Variants in MGAT4C observed in about 807,000 individuals in gnomAD.
MGAT4C encodes the protein MGAT4 family member C.
A neutral mutation model predicts 40.1 loss-of-function variants in MGAT4C; 19 were observed. That is an observed-to-expected ratio of 0.47 (90% CI 0.33 to 0.70). The LOEUF is 0.70. MGAT4C is among the 30% of genes least tolerant of loss of function. MGAT4C has a pLI of 0.02. For synonymous variants in MGAT4C, 181 were observed against 187.1 expected (o/e 0.97, Z 0.27); for missense variants, 491 against 563.2 (o/e 0.87, Z 1.30).
At position 86,677,649 on chromosome 12, in the gene MGAT4C, C is replaced by A. The variant is rs542494512; in HGVS notation, c.-229+49560G>T. ...CAAAGGGAATAGAAAAATAAATATT[C>A]TTTAATTAATTATTCTTAAATAATC... is the stretch of plus-strand genomic sequence containing the variant. On this transcript the variant is annotated intron_variant, in intron 2 of 7. Coordinates refer to the MGAT4C transcript ENST00000548651. Among the ~76,000 whole-genome samples, 4 of 152,126 alleles carry A rather than the reference C, an allele frequency of 2.6e-5. 1 individual carries two copies. Among genetic ancestry groups the A allele is most frequent in the African/African-American group, 4.8e-5 (2 of 41,534 alleles).
intron 4 of MGAT4C, among the ~76,000 whole-genome samples, chr12:86,268,273 G>A (rs1180989380): frequency 6.6e-6 from 1 of 151,988 alleles, no homozygotes; most frequent in Non-Finnish European, 1.5e-5. Flanking sequence ...TTTAGCTAAA[G>A]ACATCCTTAA....
intron 2 of MGAT4C, among the ~76,000 whole-genome samples, chr12:86,551,326 C>T (rs979343313): frequency 2.0e-5 from 3 of 152,172 alleles, no homozygotes; most frequent in African/African-American, 7.2e-5. Flanking sequence ...CCAAGGCAGC[C>T]AAGCAGCCTT....
At chr12:86,599,881 TG>T (rs1961699329) in intron 2 of MGAT4C, among the ~76,000 whole-genome samples, 2 of 152,206 alleles carry the variant, frequency 1.3e-5, no homozygotes. Context: ...CCATGTTCTA[TG>T]GACTCAGGTA....
chr12:86,344,430 A>C (rs1223589636), intron 3 of MGAT4C, among the ~76,000 whole-genome samples: 3 of 152,218 alleles, frequency 2.0e-5, no homozygotes, highest in Admixed American at 6.5e-5. Flanking sequence ...AAGAAAGAAA[A>C]GCATTCCTGG....
At chr12:86,108,562 A>T (rs1157495943) in intron 1 of MGAT4C, among the ~76,000 whole-genome samples, 1 of 152,122 alleles carries the variant, frequency 6.6e-6, no homozygotes, top group Non-Finnish European at 1.5e-5. Flanking sequence ...TGATTTTGGT[A>T]ACTCTCTCCA....
chr12:86,491,058 C>T (rs188555832), intron 2 of MGAT4C, among the ~76,000 whole-genome samples: 89 of 152,140 alleles, frequency 5.8e-4, no homozygotes, highest in African/African-American at 1.8e-3. Flanking sequence ...CTGCACCAAG[C>T]GGACCTCATA....
In MGAT4C at chr12:86,490,025, C is replaced by A. The variant is rs554544287; in HGVS notation, c.-228-54760G>T. Among the ~76,000 whole-genome samples the A allele has an allele frequency of 3.3e-3, 498 of 152,150 alleles. 2 individuals carry two copies. Among genetic ancestry groups the A allele is most frequent in the African/African-American group, 0.012 (481 of 41,516 alleles). ...CAGGATATCATCCAGGAGAACTTCC[C>A]CAATCTAGCAAGGCAGGCCAACACT... On this transcript the variant is annotated intron_variant, in intron 2 of 7. Transcript: ENST00000548651.
chr12:86,024,081 T>C (rs1046835031), intron 2 of MGAT4C, among the ~76,000 whole-genome samples: 1 of 151,896 alleles, frequency 6.6e-6, no homozygotes, highest in African/African-American at 2.4e-5. Flanking sequence ...ATAGTATGCA[T>C]TTTGTACAAT....
intron 1 of MGAT4C, chr12:86,744,920 T>G (rs1329357571): frequency 6.6e-6 from 1 of 151,604 alleles, no homozygotes; most frequent in African/African-American, 2.4e-5. Context: ...AAATGTGTAT[T>G]GGTTCTGGGG....
intron 2 of MGAT4C, among the ~76,000 whole-genome samples, chr12:86,468,164 C>T (rs1957708392): frequency 6.6e-6 from 1 of 152,068 alleles, no homozygotes. Flanking sequence ...TAAAACTCCT[C>T]ATTCTTTCCA....
At position 86,481,263 on chromosome 12, in the gene MGAT4C, G is replaced by T. The variant is rs375733515; in HGVS notation, c.-228-45998C>A. On this transcript the variant is annotated intron_variant, in intron 2 of 7. Coordinates refer to the MGAT4C transcript ENST00000548651. The stretch of plus-strand genomic sequence containing the variant: ...ATAGCTCAGTCTAGAGGGTTATAAA[G>T]AAGCCTGAAATAATTGTCTTCTAGA... Among the ~76,000 whole-genome samples, 11 of 152,122 alleles carry T rather than the reference G, an allele frequency of 7.2e-5. No individual in the cohort carries two copies. In the East Asian group the frequency reaches 1.2e-3, roughly 16 times the overall value.
chr12:86,019,704 G>A (rs1889469631), intron 2 of MGAT4C, among the ~76,000 whole-genome samples: 2 of 152,112 alleles, frequency 1.3e-5, no homozygotes, highest in Non-Finnish European at 2.9e-5. Flanking sequence ...GAACTTTAAA[G>A]TAGTTTTTTC....
At chr12:86,270,895 T>A (rs1952928813) in intron 4 of MGAT4C, among the ~76,000 whole-genome samples, 1 of 152,132 alleles carries the variant, frequency 6.6e-6, no homozygotes, top group Non-Finnish European at 1.5e-5. Flanking sequence ...TCGACAAAGA[T>A]GACAAGAGCT....
rs973526465 is a variant in MGAT4C, at chr12:85,975,471, T to C, written c.*3818A>G. The C allele has an allele frequency of 1.3e-5, 2 of 150,934 alleles. No homozygotes were observed. The highest frequency in any genetic ancestry group is 4.8e-5 in the African/African-American group (2 of 41,320). 9.3% of individuals were successfully genotyped at this position (150,934 alleles called of 1,614,324 possible). A position where few individuals can be genotyped will look rare whatever the true frequency, so the allele number is the denominator to read the frequency against. ...AGGTAAAATTATTCCTATTCACAGA[T>C]GTAGAAACTGAGTTTCAAGAAGGTT... On this transcript the variant is annotated 3_prime_UTR_variant, in exon 5 of 5. Transcript: ENST00000611864.
At chr12:86,750,909 G>C (rs1211699180) in intron 1 of MGAT4C, among the ~76,000 whole-genome samples, 6 of 151,914 alleles carry the variant, frequency 3.9e-5, no homozygotes, top group Non-Finnish European at 8.8e-5. Context: ...CACCTGAAGG[G>C]TAAACTTTAA....
chr12:86,712,972 T>C (rs1338587593), intron 2 of MGAT4C, among the ~76,000 whole-genome samples: 1 of 152,132 alleles, frequency 6.6e-6, no homozygotes, highest in Non-Finnish European at 1.5e-5. Flanking sequence ...GTTAAAAGTT[T>C]AGCATTGTGA....
chr12:86,791,123 T>G (rs1213989053), intron 1 of MGAT4C, among the ~76,000 whole-genome samples: 2 of 152,108 alleles, frequency 1.3e-5, no homozygotes, highest in African/African-American at 2.4e-5. Flanking sequence ...AGGGTGATGG[T>G]TAAGACCAAG....
At chr12:86,596,195 G>A (rs985972154) in intron 2 of MGAT4C, among the ~76,000 whole-genome samples, 7 of 99,566 alleles carry the variant, frequency 7.0e-5, no homozygotes, top group East Asian at 3.3e-4. Context: ...ATAAAATCAC[G>A]GATTAAAATA....
chr12:86,724,032 T>A (rs182722369), intron 2 of MGAT4C, among the ~76,000 whole-genome samples: 5 of 152,292 alleles, frequency 3.3e-5, no homozygotes, highest in Admixed American at 6.5e-5. Context: ...ATTTGTTCGA[T>A]ACAATACCCA....
Sources: gnomAD v4.1 joint callset for allele counts (sites outside exome capture counted in the v4.1 genomes callset) on GRCh38, gnomAD v4.1.1 for gene constraint, MANE v1.5 for transcripts, NCBI Gene and HGNC (gene_info 2026-07-23, HGNC 2026-07-21) for gene names.